Variants in DLG2 observed in about 807,000 individuals in gnomAD.
DLG2 encodes discs large MAGUK scaffold protein 2.
Under a neutral mutation model 132.5 loss-of-function variants are expected in DLG2, and 45 were observed. The ratio of observed to expected loss-of-function variants is 0.34; its 90% CI spans 0.27 to 0.44. The LOEUF is 0.44. Among genes scored for constraint, DLG2 ranks in the 20% least tolerant of loss-of-function variants. The pLI, the probability that DLG2 is intolerant of heterozygous loss-of-function variation, is 1.00. For missense variants in DLG2, 1,045 were observed against 1,196.9 expected (o/e 0.87, Z 1.87); for synonymous variants, 424 against 419.6 (o/e 1.01, Z -0.13).
At chr11:84,506,192 C>T (rs1304679316) in intron 7 of DLG2, among the ~76,000 whole-genome samples, 1 of 150,460 alleles carries the variant, frequency 6.6e-6, no homozygotes, top group Non-Finnish European at 1.5e-5. Flanking sequence ...TCTCCTGCCT[C>T]AGCCTCCCAA....
chr11:83,517,700 G>T (rs1037820420), intron 21 of DLG2, among the ~76,000 whole-genome samples: 11 of 152,134 alleles, frequency 7.2e-5, no homozygotes, highest in Non-Finnish European at 1.3e-4. Flanking sequence ...TGGGGTTTTG[G>T]TGTGGATGTC....
intron 7 of DLG2, among the ~76,000 whole-genome samples, chr11:84,468,182 C>T (rs971259936): frequency 3.3e-5 from 5 of 151,486 alleles, no homozygotes; most frequent in African/African-American, 1.2e-4. Context: ...TTTTATAACA[C>T]AGAAATCAAT....
chr11:84,630,453 T>C (rs2099629593), intron 6 of DLG2, among the ~76,000 whole-genome samples: 1 of 152,172 alleles, frequency 6.6e-6, no homozygotes, highest in South Asian at 2.1e-4. Context: ...TCCTTCATTT[T>C]CTCAACATTT....
chr11:84,698,045 G>A (rs1457958470), intron 6 of DLG2, among the ~76,000 whole-genome samples: 1 of 151,402 alleles, frequency 6.6e-6, no homozygotes, highest in Non-Finnish European at 1.5e-5. Context: ...GAATGCATCA[G>A]TATAACATTA....
intron 10 of DLG2, 122 bp downstream of exon 10, chr11:84,098,801 G>T: frequency 8.8e-7 from 1 of 1,131,924 alleles, no homozygotes. Flanking sequence ...CAGGAAGCTT[G>T]CCTTAAAAAT....
chr11:85,282,956 G>A (rs188382322), intron 4 of DLG2, among the ~76,000 whole-genome samples: 216 of 151,964 alleles, frequency 1.4e-3, no homozygotes, highest in Middle Eastern at 3.4e-3. Context: ...TGAAGCTGGA[G>A]GTCATCATCC....
At chr11:83,476,158 T>C (rs1195192770) in intron 22 of DLG2, among the ~76,000 whole-genome samples, 12 of 152,136 alleles carry the variant, frequency 7.9e-5, no homozygotes, top group Admixed American at 7.9e-4. Context: ...ATTTTGTTTT[T>C]AGTGCCTGCA....
intron 16 of DLG2, among the ~76,000 whole-genome samples, chr11:83,873,461 A>G (rs1250034444): frequency 6.6e-6 from 1 of 152,178 alleles, no homozygotes; most frequent in Non-Finnish European, 1.5e-5. Context: ...TGATGGTTTT[A>G]TAAGGGGAAA....
intron 6 of DLG2, among the ~76,000 whole-genome samples, chr11:84,634,112 A>G (rs968201551): frequency 2.6e-5 from 4 of 152,202 alleles, no homozygotes; most frequent in Non-Finnish European, 5.9e-5. Context: ...ACATATGTGA[A>G]GAGTATGTCA....
intron 18 of DLG2, among the ~76,000 whole-genome samples, chr11:83,724,020 G>A (rs1484354297): frequency 6.6e-6 from 1 of 152,162 alleles, no homozygotes; most frequent in Non-Finnish European, 1.5e-5. Context: ...TCTTAACTAT[G>A]AAGCTATGAT....
At chr11:83,483,235 C>T (rs1291258445) in intron 22 of DLG2, 6 of 1,609,602 alleles carry the variant, frequency 3.7e-6, no homozygotes, top group Non-Finnish European at 5.1e-6. Context: ...GTTACAGTGA[C>T]CATTCCTGGA....
chr11:85,017,748 C>A (rs2059691062), intron 6 of DLG2, among the ~76,000 whole-genome samples: 1 of 152,142 alleles, frequency 6.6e-6, no homozygotes. Flanking sequence ...ACACAACCTC[C>A]ACCCTCACCA....
intron 3 of DLG2, chr11:85,453,742 C>A (rs2092328479): frequency 6.6e-6 from 1 of 152,166 alleles, no homozygotes. Context: ...CTCCCAGACA[C>A]AGGAGTTTCA....
chr11:83,993,929 T>C (rs981623567), intron 11 of DLG2, among the ~76,000 whole-genome samples: 3 of 152,132 alleles, frequency 2.0e-5, no homozygotes, highest in African/African-American at 7.2e-5. Flanking sequence ...ACTGGCAGGG[T>C]TGTTGCTGGA....
chr11:83,838,873 A>C (rs1409146314), intron 16 of DLG2, among the ~76,000 whole-genome samples: 1 of 152,200 alleles, frequency 6.6e-6, no homozygotes, highest in Non-Finnish European at 1.5e-5. Flanking sequence ...CCTATCAAAA[A>C]TGGGAAAATG....
chr11:83,598,382 A>T (rs934627759), intron 19 of DLG2, among the ~76,000 whole-genome samples: 1 of 152,220 alleles, frequency 6.6e-6, no homozygotes, highest in Non-Finnish European at 1.5e-5. Context: ...CAGTTTTACA[A>T]TATTTAATAG....
intron 15 of DLG2, among the ~76,000 whole-genome samples, chr11:83,895,406 C>T (rs1006524825): frequency 3.3e-5 from 5 of 152,182 alleles, no homozygotes; most frequent in South Asian, 2.1e-4. Flanking sequence ...GTGATCCGCC[C>T]GCCTCGGCTT....
intron 6 of DLG2, among the ~76,000 whole-genome samples, chr11:84,674,804 C>T (rs12287455): frequency 0.046 from 6,993 of 152,204 alleles, 571 homozygotes; most frequent in African/African-American, 0.16. Flanking sequence ...TGTGTTCACA[C>T]GCATATATGT....
chr11:85,063,317 G>C (rs184388175), intron 6 of DLG2, among the ~76,000 whole-genome samples: 121 of 151,936 alleles, frequency 8.0e-4, no homozygotes, highest in African/African-American at 2.9e-3. Flanking sequence ...GTTTTCTGGG[G>C]AGCCTGGCCT....
Sources: gnomAD v4.1 joint callset for allele counts (sites outside exome capture counted in the v4.1 genomes callset) on GRCh38, gnomAD v4.1.1 for gene constraint, MANE v1.5 for transcripts, NCBI Gene and HGNC (gene_info 2026-07-23, HGNC 2026-07-21) for gene names.